RNGTT: variants seen among roughly 807,000 people sequenced by gnomAD.
RNGTT encodes RNA guanylyltransferase and 5'-phosphatase, also known as mRNA-capping enzyme.
RNGTT carries 33 observed loss-of-function variants against 79.3 expected under a neutral mutation model. That is an observed-to-expected ratio of 0.42 (90% CI 0.32 to 0.56). The LOEUF (loss-of-function observed/expected upper bound fraction) is 0.56, where lower values mean the gene tolerates loss of function less well. Ranked by LOEUF, RNGTT falls within the 20% of genes least tolerant of loss-of-function variation. The pLI is 0.17. For synonymous variants in RNGTT, 222 were observed against 235.9 expected (o/e 0.94, Z 0.54); for missense variants, 497 against 739.1 (o/e 0.67, Z 3.80).
chr6:88,870,616 A>G (rs1021266460), intron 8 of RNGTT, among the ~76,000 whole-genome samples: 1 of 152,118 alleles, frequency 6.6e-6, no homozygotes, highest in Non-Finnish European at 1.5e-5. Context: ...ATACAGAAAA[A>G]ACACTTCTAG....
intron 1 of RNGTT, among the ~76,000 whole-genome samples, chr6:88,945,893 G>C (rs1331675485): frequency 6.6e-6 from 1 of 152,202 alleles, no homozygotes; most frequent in Non-Finnish European, 1.5e-5. Flanking sequence ...TAAGATGACA[G>C]CATCAAAGAT....
At chr6:88,949,098 G>A (rs1582168025) in intron 1 of RNGTT, among the ~76,000 whole-genome samples, 2 of 64,200 alleles carry the variant, frequency 3.1e-5, no homozygotes, top group Non-Finnish European at 5.7e-5. Context: ...AAACACCCAA[G>A]AATTATCAAT....
intron 12 of RNGTT, among the ~76,000 whole-genome samples, chr6:88,773,431 T>C (rs1211235292): frequency 2.0e-5 from 3 of 150,622 alleles, no homozygotes; most frequent in African/African-American, 7.3e-5. Context: ...GTAACTAACC[T>C]GCACATTGTG....
In RNGTT at chr6:88,885,890, T is replaced by C. The variant is rs997852952; in HGVS notation, c.896+4605A>G. ...GAAGAATATTACTACTGTGATGTTC[T>C]TGCAAGCATGCCCAACTTGAATCAT... On this transcript the variant is annotated intron_variant, in intron 8 of 15. Coordinates refer to ENST00000369485, the MANE Select transcript of RNGTT (RefSeq NM_003800.5). Among the ~76,000 whole-genome samples, 9 of 152,338 alleles carry C rather than the reference T, an allele frequency of 5.9e-5. No homozygotes were observed. In the East Asian group the frequency reaches 1.2e-3, roughly 20 times the overall value.
chr6:88,863,358 T>C (rs1440510659), intron 8 of RNGTT, among the ~76,000 whole-genome samples: 1 of 152,208 alleles, frequency 6.6e-6, no homozygotes. Context: ...CCTGTTTATC[T>C]AAACAGTTTA....
intron 11 of RNGTT, among the ~76,000 whole-genome samples, chr6:88,815,925 T>G (rs902922747): frequency 2.0e-5 from 3 of 152,222 alleles, no homozygotes; most frequent in African/African-American, 7.2e-5. Flanking sequence ...AAATAAACTT[T>G]ACTTTCCACA....
chr6:88,689,993 T>C (rs996636688), intron 13 of RNGTT, among the ~76,000 whole-genome samples: 3 of 151,946 alleles, frequency 2.0e-5, no homozygotes, highest in Admixed American at 6.6e-5. Flanking sequence ...TACCAACATA[T>C]AATGCACTGA....
chr6:88,639,406 A>C (rs147299277), intron 14 of RNGTT, among the ~76,000 whole-genome samples: 1 of 152,266 alleles, frequency 6.6e-6, no homozygotes, highest in East Asian at 1.9e-4. Flanking sequence ...AACATGAAAA[A>C]TTTCAGTGGC....
At chr6:88,662,739 G>A (rs1774236417) in intron 14 of RNGTT, among the ~76,000 whole-genome samples, 1 of 152,236 alleles carries the variant, frequency 6.6e-6, no homozygotes, top group South Asian at 2.1e-4. Flanking sequence ...TCTCGCGTAG[G>A]CAATTGCCCT....
intron 11 of RNGTT, among the ~76,000 whole-genome samples, chr6:88,830,632 G>C (rs1780828722): frequency 6.6e-6 from 1 of 150,484 alleles, no homozygotes; most frequent in South Asian, 2.1e-4. Flanking sequence ...TTCAAAAAAA[G>C]TCAGTGAATC....
intron 1 of RNGTT, among the ~76,000 whole-genome samples, chr6:88,945,618 C>T (rs912059121): frequency 6.6e-6 from 1 of 152,148 alleles, no homozygotes; most frequent in Non-Finnish European, 1.5e-5. Flanking sequence ...ACGGTCTCTG[C>T]CTGGGAGAAG....
At chr6:88,733,028 A>C (rs1777165374) in intron 13 of RNGTT, among the ~76,000 whole-genome samples, 1 of 152,230 alleles carries the variant, frequency 6.6e-6, no homozygotes, top group African/African-American at 2.4e-5. Context: ...CTGCAAGAGA[A>C]ATGAAGAATG....
At chr6:88,804,768 A>G (rs543991479) in intron 11 of RNGTT, among the ~76,000 whole-genome samples, 1 of 151,828 alleles carries the variant, frequency 6.6e-6, no homozygotes, top group South Asian at 2.1e-4. Flanking sequence ...ATATATCAGT[A>G]TCTTCATCAT....
intron 14 of RNGTT, among the ~76,000 whole-genome samples, chr6:88,645,635 G>A (rs1215179151): frequency 1.3e-5 from 2 of 152,272 alleles, no homozygotes; most frequent in South Asian, 2.1e-4. Flanking sequence ...AAAACAGCAT[G>A]GTACTGGTAC....
intron 14 of RNGTT, among the ~76,000 whole-genome samples, chr6:88,670,584 T>C (rs1774598511): frequency 6.6e-6 from 1 of 152,170 alleles, no homozygotes; most frequent in East Asian, 1.9e-4. Flanking sequence ...GTGAGATCAA[T>C]GGCCAGATGG....
intron 14 of RNGTT, among the ~76,000 whole-genome samples, chr6:88,661,416 C>T (rs1475428955): frequency 1.3e-5 from 2 of 151,732 alleles, no homozygotes; most frequent in Admixed American, 6.6e-5. Context: ...ATTGACAGAC[C>T]GTTAGTGAGA....
At chr6:88,679,240 T>C (rs893067971) in intron 13 of RNGTT, among the ~76,000 whole-genome samples, 4 of 152,084 alleles carry the variant, frequency 2.6e-5, no homozygotes, top group African/African-American at 7.2e-5. Flanking sequence ...AAACTCACCA[T>C]TGGAAAGTAG....
intron 11 of RNGTT, among the ~76,000 whole-genome samples, chr6:88,820,965 T>C (rs535553098): frequency 2.2e-4 from 33 of 152,122 alleles, no homozygotes; most frequent in Admixed American, 5.9e-4. Flanking sequence ...ATTTTAAAGG[T>C]TGTATGGAGA....
intron 14 of RNGTT, among the ~76,000 whole-genome samples, chr6:88,621,272 T>G (rs191138320): frequency 3.6e-4 from 55 of 152,246 alleles, no homozygotes; most frequent in African/African-American, 1.3e-3. Flanking sequence ...CAAAACAGAA[T>G]TTCTATGAAG....
Sources: gnomAD v4.1 joint callset for allele counts (sites outside exome capture counted in the v4.1 genomes callset) on GRCh38, gnomAD v4.1.1 for gene constraint, MANE v1.5 for transcripts, NCBI Gene and HGNC (gene_info 2026-07-23, HGNC 2026-07-21) for gene names.